Variants in ITFG2 observed in about 807,000 individuals in gnomAD.
ITFG2 encodes KICSTOR complex protein ITFG2.
A neutral mutation model predicts 54.4 loss-of-function variants in ITFG2; 36 were observed. That is an observed-to-expected ratio of 0.66 (90% CI 0.51 to 0.87). The LOEUF (loss-of-function observed/expected upper bound fraction) is 0.87. ITFG2 is among the 40% of genes least tolerant of loss of function. The pLI is 0.00. For missense variants in ITFG2, 524 were observed against 576.7 expected (o/e 0.91, Z 0.94); for synonymous variants, 211 against 225.4 (o/e 0.94, Z 0.57).
At chr12:2,813,808 T>A (rs2097915086) in intron 1 of ITFG2, among the ~76,000 whole-genome samples, 1 of 152,190 alleles carries the variant, frequency 6.6e-6, no homozygotes, top group African/African-American at 2.4e-5. Context: ...TTATGAGGCC[T>A]TTTTTGGCTC....
chr12:2,845,751 C>T lies in ITFG2; in HGVS notation n.300+4756C>T, dbSNP rs1033356936. ...CAGATACAGATACAGAGATTCCCCC[C>T]ACCCCACCCCACCAAAGGCTTTCAG... On this transcript the variant is annotated intron_variant and non_coding_transcript_variant, in intron 2 of 3. Coordinates refer to the ITFG2 transcript ENST00000537710. The surrounding 1 kb of genome is among the most constrained non-coding windows in gnomAD (Gnocchi z 4.2). Among the ~76,000 whole-genome samples the T allele has an allele frequency of 6.6e-6, 1 of 152,086 alleles. No homozygotes were observed. The highest frequency in any genetic ancestry group is 2.4e-5 in the African/African-American group (1 of 41,408).
intron 2 of ITFG2, chr12:2,830,670 GGTT>G (rs1350506332): frequency 6.3e-7 from 1 of 1,582,666 alleles, no homozygotes; most frequent in Non-Finnish European, 8.6e-7. Flanking sequence ...GTGCAGGCAG[GGTT>G]GTTAATGAAA....
intron 2 of ITFG2, among the ~76,000 whole-genome samples, chr12:2,842,120 C>CTTTTTT (rs71057841): frequency 1.7e-4 from 19 of 108,712 alleles, no homozygotes; most frequent in African/African-American, 2.2e-4. Flanking sequence ...TCACTTGTTT[C>CTTTTTT]TTTTTTTTTT....
At chr12:2,837,252 C>T (rs560205161) in intron 1 of ITFG2, among the ~76,000 whole-genome samples, 3 of 150,668 alleles carry the variant, frequency 2.0e-5, no homozygotes, top group South Asian at 2.1e-4. Context: ...CCGAGGCAGG[C>T]GGATCACGAG....
At chr12:2,819,790 T>A in intron 4 of ITFG2, 2 of 248,158 alleles carry the variant, frequency 8.1e-6, no homozygotes, top group Non-Finnish European at 1.5e-5. Flanking sequence ...AAGGGAACCA[T>A]CCAGATAGGG....
At chr12:2,851,887 C>T (rs573669087) in intron 2 of ITFG2, among the ~76,000 whole-genome samples, 1 of 152,222 alleles carries the variant, frequency 6.6e-6, no homozygotes, top group Non-Finnish European at 1.5e-5. Flanking sequence ...CCATGTTGGC[C>T]AGGCTGGTCT....
intron 2 of ITFG2, chr12:2,855,032 T>C (rs2098082852): frequency 2.0e-6 from 3 of 1,536,004 alleles, no homozygotes; most frequent in African/African-American, 1.4e-5. Flanking sequence ...TTCCTTTTCA[T>C]GTCCACAAAC....
At chr12:2,850,488 A>G (rs1249877547) in intron 2 of ITFG2, among the ~76,000 whole-genome samples, 1 of 150,802 alleles carries the variant, frequency 6.6e-6, no homozygotes, top group Non-Finnish European at 1.5e-5. Context: ...AAAAAAAAAA[A>G]AAAAAAATGG....
chr12:2,832,361 C>T (rs2098007643), upstream of ITFG2, among the ~76,000 whole-genome samples: 1 of 152,004 alleles, frequency 6.6e-6, no homozygotes, highest in Admixed American at 6.6e-5. Flanking sequence ...TTTATGGGCC[C>T]CAGAAGCACC....
chr12:2,843,812 CA>C lies in ITFG2; in HGVS notation n.300+2828del, dbSNP rs942293023. 4.0e-4 allele frequency among the ~76,000 whole-genome samples: 49 copies of C among 123,136 alleles called. 2 individuals carry two copies. Among genetic ancestry groups the C allele is most frequent in the East Asian group, 1.9e-3 (5 of 2,668 alleles). 80.8% of individuals were successfully genotyped at this position (123,136 alleles called of 152,430 possible). On this transcript the variant is annotated intron_variant and non_coding_transcript_variant, in intron 2 of 3. Coordinates refer to the ITFG2 transcript ENST00000537710. ...TGGGTGACAGAGCGAGACTCCATCT[CA>C]AAAAAAAAAAGTTCCAACTCTGTCC...
intron 2 of ITFG2, among the ~76,000 whole-genome samples, chr12:2,850,475 C>CAAAAAAAA (rs1275655927): frequency 1.4e-5 from 1 of 70,674 alleles, no homozygotes; most frequent in Non-Finnish European, 2.9e-5. Context: ...GACTCTGTCT[C>CAAAAAAAA]AAAAAAAAAA....
chr12:2,823,718 A>C (rs1003401241), intron 10 of ITFG2, 52 bp from the exon 11 acceptor site: 9 of 1,507,114 alleles, frequency 6.0e-6, no homozygotes, highest in Admixed American at 2.2e-5. Flanking sequence ...TCTGCCCCCC[A>C]CTGTCGGCAC....
In ITFG2 at chr12:2,830,526, G is replaced by C. The variant is rs1421629124; in HGVS notation, c.*60-308G>C. 2.4e-5 allele frequency: 14 copies of C among 572,190 alleles called. No homozygotes were observed. The East Asian group carries it at 4.1e-4, about 17-fold the overall frequency. The allele number at this position is 572,190 out of a possible 1,614,324, so 35.4% of individuals were successfully genotyped here. A position where few individuals can be genotyped will look rare whatever the true frequency, so the allele number is the denominator to read the frequency against. On this transcript the variant is annotated intron_variant and NMD_transcript_variant, in intron 2 of 2. Coordinates refer to the ITFG2 transcript ENST00000538822. ...TGGTGGTGACAGATGGAGTTGCACC[G>C]AGGAGACATGGCTTGGGGCAGGGAG...
intron 9 of ITFG2, 46 bp downstream of exon 9, chr12:2,821,838 A>G (rs759052280): frequency 3.4e-5 from 47 of 1,386,218 alleles, no homozygotes; most frequent in Middle Eastern, 1.8e-4. Context: ...CGTTTTCCAC[A>G]TGGAGAGATG....
upstream of ITFG2, chr12:2,834,861 G>A (rs1407215579): frequency 1.9e-6 from 3 of 1,613,794 alleles, no homozygotes; most frequent in South Asian, 3.3e-5. Flanking sequence ...TGGGCCAGGG[G>A]CTGCTCGGTG....
chr12:2,826,753 G>C (rs985417302), downstream of ITFG2: 4 of 201,518 alleles, frequency 2.0e-5, no homozygotes, highest in Non-Finnish European at 3.0e-5. Flanking sequence ...AGGTTGGTGA[G>C]GCATGGCGGT....
In ITFG2 at chr12:2,851,835, C is replaced by T. The variant is rs1218309594; in HGVS notation, n.301-6177C>T. ...CTGGGATTACAGGCATGTGCCACCACGCCTGACTAATTTTTGTATTTGTAG... is the reference window on the plus strand; with the variant it reads ...CTGGGATTACAGGCATGTGCCACCATGCCTGACTAATTTTTGTATTTGTAG... On this transcript the variant is annotated intron_variant and non_coding_transcript_variant, in intron 2 of 3. Transcript: ENST00000537710. Among the ~76,000 whole-genome samples the T allele has an allele frequency of 2.6e-5, 4 of 151,706 alleles. No homozygotes were observed. In the East Asian group the frequency reaches 7.8e-4, roughly 30 times the overall value.
Position 2,817,803 on chromosome 12 carries a change from G to T in ITFG2, c.193-106G>T, listed in dbSNP as rs2097926659. On this transcript the variant is annotated intron_variant, in intron 2 of 11. Coordinates refer to ENST00000228799, the MANE Select transcript of ITFG2 (RefSeq NM_018463.4). ...ATGGTTCATATGGCGAAAGTCTTCA[G>T]TGAGCGATGGTGATTAGAAAACCTG... 6.8e-6 allele frequency: 7 copies of T among 1,034,034 alleles called. No homozygotes were observed. The East Asian group carries it at 1.7e-4, about 25-fold the overall frequency. The allele number at this position is 1,034,034 out of a possible 1,614,324, so 64.1% of individuals were successfully genotyped here. A position where few individuals can be genotyped will look rare whatever the true frequency, so the allele number is the denominator to read the frequency against.
upstream of ITFG2, among the ~76,000 whole-genome samples, chr12:2,836,268 C>G (rs1036046635): frequency 2.0e-5 from 3 of 152,238 alleles, no homozygotes; most frequent in Admixed American, 1.3e-4. Context: ...CTCTCCAGGA[C>G]TTGGTATCAG....
Sources: gnomAD v4.1 joint callset for allele counts (sites outside exome capture counted in the v4.1 genomes callset) on GRCh38, gnomAD v4.1.1 for gene constraint, Gnocchi (gnomAD v3.1) non-coding constraint, MANE v1.5 for transcripts, NCBI Gene and HGNC (gene_info 2026-07-23, HGNC 2026-07-21) for gene names.